ZNF385D: variants seen among roughly 807,000 people sequenced by gnomAD.
ZNF385D encodes zinc finger protein 385D, also known as zinc finger protein 659.
In ZNF385D, 15 loss-of-function variants were observed where a neutral mutation model predicts 35.8. The ratio of observed to expected loss-of-function variants is 0.42; its 90% CI spans 0.28 to 0.64. The LOEUF (loss-of-function observed/expected upper bound fraction) is 0.64. ZNF385D is among the 30% of genes least tolerant of loss of function. ZNF385D has a pLI of 0.23. For missense variants in ZNF385D, 474 were observed against 494.6 expected (o/e 0.96, Z 0.39); for synonymous variants, 212 against 186.8 (o/e 1.13, Z -1.10).
At chr3:21,474,402 C>CTAAATAACA (rs1410724587) in intron 4 of ZNF385D, among the ~76,000 whole-genome samples, 3 of 152,024 alleles carry the variant, frequency 2.0e-5, no homozygotes, top group Admixed American at 1.3e-4. Context: ...TGAGTAGGTG[C>CTAAATAACA]CCCAGAAACA....
intron 2 of ZNF385D, among the ~76,000 whole-genome samples, chr3:22,221,562 A>T (rs1698258014): frequency 6.6e-6 from 1 of 152,146 alleles, no homozygotes; most frequent in African/African-American, 2.4e-5. Context: ...CCTTAATTTC[A>T]TTTCGCTTTA....
At chr3:21,589,988 T>C (rs2063922675) in intron 2 of ZNF385D, among the ~76,000 whole-genome samples, 1 of 152,142 alleles carries the variant, frequency 6.6e-6, no homozygotes, top group South Asian at 2.1e-4. Flanking sequence ...GGTAATAGAC[T>C]GTAAAGACTC....
chr3:21,989,872 TTGAG>T (rs1695052366), intron 3 of ZNF385D, among the ~76,000 whole-genome samples: 1 of 152,184 alleles, frequency 6.6e-6, no homozygotes, highest in Non-Finnish European at 1.5e-5. Context: ...TGTCAAGCCG[TTGAG>T]TGAGAATTTC....
At chr3:22,038,875 G>C (rs1006886685) in intron 3 of ZNF385D, among the ~76,000 whole-genome samples, 2 of 149,432 alleles carry the variant, frequency 1.3e-5, no homozygotes, top group African/African-American at 2.4e-5. Context: ...ATATAATAAG[G>C]TTATATTTTA....
At chr3:22,290,317 C>T (rs1204003309) in intron 2 of ZNF385D, among the ~76,000 whole-genome samples, 1 of 152,080 alleles carries the variant, frequency 6.6e-6, no homozygotes, top group African/African-American at 2.4e-5. Flanking sequence ...CACACCACAC[C>T]CAAAGACAAA....
chr3:21,924,949 C>A (rs1161519031), intron 3 of ZNF385D, among the ~76,000 whole-genome samples: 1 of 152,084 alleles, frequency 6.6e-6, no homozygotes, highest in Non-Finnish European at 1.5e-5. Context: ...CTAATTCTAA[C>A]AAGACATATA....
chr3:22,334,614 T>G (rs539940959), intron 2 of ZNF385D, among the ~76,000 whole-genome samples: 5 of 152,206 alleles, frequency 3.3e-5, no homozygotes, highest in African/African-American at 9.6e-5. Flanking sequence ...AGTTGAATTA[T>G]ATTTTCTTAG....
At chr3:22,206,385 C>T (rs1697155555) in intron 2 of ZNF385D, among the ~76,000 whole-genome samples, 1 of 151,844 alleles carries the variant, frequency 6.6e-6, no homozygotes, top group African/African-American at 2.4e-5. Flanking sequence ...AACAAAGGAT[C>T]AACAAAGAAA....
intron 4 of ZNF385D, among the ~76,000 whole-genome samples, chr3:21,474,458 A>C (rs1704104859): frequency 6.6e-6 from 1 of 152,130 alleles, no homozygotes; most frequent in Non-Finnish European, 1.5e-5. Context: ...TTCAGGTAAC[A>C]TGAGAGTAAC....
chr3:21,730,754 T>C (rs1236507657), intron 1 of ZNF385D, among the ~76,000 whole-genome samples: 1 of 152,270 alleles, frequency 6.6e-6, no homozygotes, highest in East Asian at 1.9e-4. Flanking sequence ...AAAAGCCTTC[T>C]TAAATTTTTT....
rs2062129342 is a variant in ZNF385D, at chr3:21,539,849, G to A, written c.276+24725C>T. ...AAGAAATATTTTTACTACAAACACAGCATAAGAGTAATGCTGATTTTGAGC... is the reference window on the plus strand; with the variant it reads ...AAGAAATATTTTTACTACAAACACAACATAAGAGTAATGCTGATTTTGAGC... On this transcript the variant is annotated intron_variant, in intron 3 of 7. Transcript: ENST00000281523. The surrounding 1 kb of genome is among the most constrained non-coding windows in gnomAD (Gnocchi z 4.0). Among the ~76,000 whole-genome samples the A allele has an allele frequency of 6.6e-6, 1 of 152,034 alleles. No individual in the cohort carries two copies. The highest frequency in any genetic ancestry group is 6.5e-5 in the Admixed American group (1 of 15,268).
intron 3 of ZNF385D, among the ~76,000 whole-genome samples, chr3:21,954,893 T>C (rs1702217124): frequency 1.3e-5 from 2 of 152,206 alleles, no homozygotes; most frequent in South Asian, 2.1e-4. Context: ...TGAAAAGGAA[T>C]GTAGCACAAT....
At chr3:22,206,515 CAT>C (rs1697165345) in intron 2 of ZNF385D, among the ~76,000 whole-genome samples, 2 of 151,678 alleles carry the variant, frequency 1.3e-5, no homozygotes, top group African/African-American at 2.4e-5. Context: ...AAGGATAGAC[CAT>C]ATGTTAGGCC....
intron 3 of ZNF385D, among the ~76,000 whole-genome samples, chr3:21,863,292 A>G (rs1697158721): frequency 6.6e-6 from 1 of 152,188 alleles, no homozygotes; most frequent in Non-Finnish European, 1.5e-5. Context: ...CAAATTAGAT[A>G]TCCAAAATTG....
At chr3:21,577,949 A>G (rs184037095) in intron 2 of ZNF385D, among the ~76,000 whole-genome samples, 4 of 151,762 alleles carry the variant, frequency 2.6e-5, no homozygotes, top group Non-Finnish European at 5.9e-5. Context: ...AGCTGGGACT[A>G]CAGGTGCTCA....
intron 3 of ZNF385D, among the ~76,000 whole-genome samples, chr3:21,919,318 G>C (rs774147537): frequency 2.0e-5 from 3 of 152,116 alleles, no homozygotes; most frequent in Non-Finnish European, 4.4e-5. Flanking sequence ...TTTCATTTTG[G>C]CTGCAAACAC....
At chr3:21,724,416 A>G (rs573537644) in intron 1 of ZNF385D, among the ~76,000 whole-genome samples, 5 of 146,722 alleles carry the variant, frequency 3.4e-5, no homozygotes, top group Non-Finnish European at 7.5e-5. Context: ...TCTCATATGC[A>G]AAGACACACA....
rs576904626 is a variant in ZNF385D, at chr3:22,076,081, C to A, written c.325+92736G>T. ...GTCTAAACTACTGTAATTTTTTTTA[C>A]GTAGACTATCACCTTTTAGTTTCAC... On this transcript the variant is annotated intron_variant, in intron 3 of 5. Transcript: ENST00000494108. 4.1e-4 allele frequency among the ~76,000 whole-genome samples: 62 copies of A among 151,972 alleles called. 1 individual carries two copies. In the South Asian group the frequency reaches 0.012, roughly 30 times the overall value.
intron 2 of ZNF385D, among the ~76,000 whole-genome samples, chr3:22,247,882 G>A (rs1167669746): frequency 1.3e-5 from 2 of 151,944 alleles, no homozygotes; most frequent in Non-Finnish European, 2.9e-5. Context: ...GGATCATAGG[G>A]GTGAGCCACC....
Sources: allele counts gnomAD v4.1 joint callset (sites outside exome capture counted in the v4.1 genomes callset), GRCh38; gene constraint gnomAD v4.1.1; non-coding constraint Gnocchi (gnomAD v3.1); transcripts MANE v1.5; gene names NCBI Gene and HGNC (gene_info 2026-07-23, HGNC 2026-07-21).